The following RPL28 variants were observed in gnomAD, a reference collection of about 807,000 sequenced individuals.
RPL28 encodes ribosomal protein L28.
Under a neutral mutation model 12.5 loss-of-function variants are expected in RPL28, and 4 were observed. The ratio of observed to expected loss-of-function variants is 0.32; its 90% CI spans 0.16 to 0.73. The LOEUF (loss-of-function observed/expected upper bound fraction) is 0.73, where lower values mean the gene tolerates loss of function less well. Among genes scored for constraint, RPL28 ranks in the 30% least tolerant of loss-of-function variants. RPL28 has a pLI of 0.66. For synonymous variants in RPL28, 91 were observed against 72.5 expected, an observed-to-expected ratio of 1.26 and a Z score of -1.30; for missense variants, 214 against 197.7, an observed-to-expected ratio of 1.08 and a Z score of -0.49.
At chr19:55,398,859 G>A (rs1237444070) in intron 4 of RPL28, among the ~76,000 whole-genome samples, 2 of 152,092 alleles carry the variant, frequency 1.3e-5, no homozygotes, top group Non-Finnish European at 2.9e-5. Flanking sequence ...GCACCACAAT[G>A]CCTGGCTGAT....
intron 4 of RPL28, chr19:55,400,109 T>C (rs187632970): frequency 6.6e-6 from 1 of 152,216 alleles, no homozygotes; most frequent in Admixed American, 6.5e-5. Context: ...TTTATTAGAA[T>C]AGGCAAATTC....
chr19:55,391,823 A>G lies in RPL28; in HGVS notation c.*3491A>G. On this transcript the variant is annotated 3_prime_UTR_variant, in exon 5 of 5. Transcript: ENST00000344063. ...CAGATGTCTTCACATGCCTATGACT[A>G]ATTTGTACACAAACTAATGCTCGTG... The G allele has an allele frequency of 7.1e-7, 1 of 1,408,810 alleles. No individual in the cohort carries two copies. The highest frequency in any genetic ancestry group is 9.4e-7 in the Non-Finnish European group (1 of 1,068,120). 87.3% of individuals were successfully genotyped at this position (1,408,810 alleles called of 1,614,324 possible). A position where few individuals can be genotyped will look rare whatever the true frequency, so the allele number is the denominator to read the frequency against.
chr19:55,401,871 GCTGC>G, intron 4 of RPL28: 2 of 1,196,766 alleles, frequency 1.7e-6, no homozygotes, highest in South Asian at 1.3e-5. Context: ...TCCCAACTCA[GCTGC>G]AGATCCAGGC....
Position 55,388,345 on chromosome 19 carries a change from C to G in RPL28, c.*13C>G, listed in dbSNP as rs947673748. 5 of 1,507,406 alleles carry G rather than the reference C, an allele frequency of 3.3e-6. No individual in the cohort carries two copies. The highest frequency in any genetic ancestry group is 4.9e-5 in the East Asian group (2 of 41,182). The allele number at this position is 1,507,406 out of a possible 1,614,324, so 93.4% of individuals were successfully genotyped here. ...CAAGAGCTCCTGAGCCCCCTGCCCC[C>G]AGAGCAATAAAGTCAGCTGGCTTTC... On this transcript the variant is annotated 3_prime_UTR_variant, in exon 5 of 5. Coordinates refer to ENST00000344063, the MANE Select transcript of RPL28 (RefSeq NM_000991.5).
rs937684690 is a variant in RPL28, at chr19:55,390,315, C to G, written c.*1983C>G. The stretch of plus-strand genomic sequence containing the variant: ...CACCTCCTGGGTTCAAGCGATTCTC[C>G]TGCCTCAGCCTCCCGAGTAGCTGGG... On this transcript the variant is annotated 3_prime_UTR_variant, in exon 5 of 5. Coordinates refer to ENST00000344063, the MANE Select transcript of RPL28 (RefSeq NM_000991.5). 1.9e-5 allele frequency: 14 copies of G among 738,088 alleles called. No homozygotes were observed. Among genetic ancestry groups the G allele is most frequent in the East Asian group, 2.6e-4 (2 of 7,702 alleles). 45.7% of individuals were successfully genotyped at this position (738,088 alleles called of 1,614,324 possible). A position where few individuals can be genotyped will look rare whatever the true frequency, so the allele number is the denominator to read the frequency against.
chr19:55,388,118 G>C, intron 4 of RPL28, 70 bp downstream of exon 4: 1 of 1,600,638 alleles, frequency 6.2e-7, no homozygotes, highest in Non-Finnish European at 8.5e-7. Flanking sequence ...TCCCACTACT[G>C]GTTGCAATAT....
In RPL28 at chr19:55,390,995, C is replaced by T. The variant is rs752885828; in HGVS notation, c.*2663C>T. ...AACCAAAAACATGATATTAAGAAAACAGGCAGGCTCACCATAGTAAAAATG... is the reference window on the plus strand; with the variant it reads ...AACCAAAAACATGATATTAAGAAAATAGGCAGGCTCACCATAGTAAAAATG... On this transcript the variant is annotated 3_prime_UTR_variant, in exon 5 of 5. Transcript: ENST00000344063. 6 of 977,464 alleles carry T rather than the reference C, an allele frequency of 6.1e-6. No homozygotes were observed. Among genetic ancestry groups the T allele is most frequent in the African/African-American group, 5.3e-5 (3 of 57,028 alleles). 60.5% of individuals were successfully genotyped at this position (977,464 alleles called of 1,614,324 possible).
Position 55,403,062 on chromosome 19 carries a change from T to TA in RPL28, c.445dup (p.Thr149AsnfsTer17). On this transcript the variant is annotated frameshift_variant, in exon 5 of 5. Transcript: ENST00000560055. LOFTEE classifies it low-confidence loss of function (END_TRUNC). ...CATTCTGTGTCATGGAGCCATCTCG[T>TA]ACGCTGCAGGATTTGGGCAGCACCC... 7.3e-7 allele frequency: 1 copy of TA among 1,364,454 alleles called. No homozygotes were observed. Among genetic ancestry groups the TA allele is most frequent in the Non-Finnish European group, 1.0e-6 (1 of 989,774 alleles). The allele number at this position is 1,364,454 out of a possible 1,614,324, so 84.5% of individuals were successfully genotyped here. A position where few individuals can be genotyped will look rare whatever the true frequency, so the allele number is the denominator to read the frequency against.
At chr19:55,402,922 GTTAAC>G in intron 4 of RPL28, 1 of 1,524,858 alleles carries the variant, frequency 6.6e-7, no homozygotes. Flanking sequence ...TAGAAATTTG[GTTAAC>G]TTTTTTTTTT....
At chr19:55,395,870 AG>A (rs2090019610), downstream of RPL28, among the ~76,000 whole-genome samples, 1 of 152,172 alleles carries the variant, frequency 6.6e-6, no homozygotes, top group South Asian at 2.1e-4. Context: ...ATTTTTCTGG[AG>A]AAATTCTATG....
At position 55,387,996 on chromosome 19, in the gene RPL28, G is replaced by T. The variant is rs748790526; in HGVS notation, c.272G>T (p.Ser91Ile). 1.2e-6 allele frequency: 2 copies of T among 1,612,620 alleles called. No homozygotes were observed. Among genetic ancestry groups the T allele is most frequent in the African/African-American group, 1.3e-5 (1 of 74,978 alleles). Residue 91 changes from serine (S) to isoleucine (I), a missense_variant, in exon 4 of 5, where the codon AGC (serine) becomes ATC (isoleucine). Ser to Ile is a moderately radical substitution (Grantham distance 142, BLOSUM62 -2). Coordinates refer to ENST00000344063, the MANE Select transcript of RPL28 (RefSeq NM_000991.5). ...TINKNARATL[S>I]SIRHMIRKNK... ...AACAAGAATGCTCGCGCCACGCTCA[G>T]CAGCATCAGACACATGATCCGCAAG...
At chr19:55,397,790 G>A (rs1207175694) in intron 4 of RPL28, among the ~76,000 whole-genome samples, 1 of 151,176 alleles carries the variant, frequency 6.6e-6, no homozygotes, top group East Asian at 2.0e-4. Flanking sequence ...GTGGGAGGTG[G>A]GAGGTGGGAG....
chr19:55,401,561 G>A (rs779440236), intron 4 of RPL28: 43 of 1,610,178 alleles, frequency 2.7e-5, no homozygotes, highest in Non-Finnish European at 3.3e-5. Context: ...GGGGCCCCAG[G>A]GTCGGTGGAG....
chr19:55,386,115 T>C, intron 1 of RPL28, 150 bp downstream of exon 1: 1 of 534,990 alleles, frequency 1.9e-6, no homozygotes, highest in East Asian at 3.1e-5. Flanking sequence ...TTCAAGTTAT[T>C]TTCCCCTCAC....
At position 55,389,693 on chromosome 19, in the gene RPL28, C is replaced by T. The variant is rs1313667438; in HGVS notation, c.*1361C>T. ...GCTCGAAGGAGAGCAGATCTGACCA[C>T]TTGCCAGCCCCTGTCTGCTGTGAAT... On this transcript the variant is annotated 3_prime_UTR_variant, in exon 5 of 5. Coordinates refer to ENST00000344063, the MANE Select transcript of RPL28 (RefSeq NM_000991.5). 2 of 985,426 alleles carry T rather than the reference C, an allele frequency of 2.0e-6. No individual in the cohort carries two copies. The highest frequency in any genetic ancestry group is 4.7e-5 in the South Asian group (1 of 21,296). 61.0% of individuals were successfully genotyped at this position (985,426 alleles called of 1,614,324 possible).
chr19:55,399,485 G>C (rs899525926), intron 4 of RPL28, among the ~76,000 whole-genome samples: 14 of 152,162 alleles, frequency 9.2e-5, no homozygotes, highest in African/African-American at 2.7e-4. Flanking sequence ...TGTTTTAACG[G>C]AGGTTTCATT....
At chr19:55,392,968 T>C (rs1262259757), downstream of RPL28, among the ~76,000 whole-genome samples, 1 of 152,094 alleles carries the variant, frequency 6.6e-6, no homozygotes, top group Non-Finnish European at 1.5e-5. Context: ...CCATCAGCGC[T>C]GCATTGATGA....
In RPL28 at chr19:55,390,923, A is replaced by ATTCACAC. The variant is rs2089984386; in HGVS notation, c.*2592_*2598dup. 1.0e-6 allele frequency: 1 copy of ATTCACAC among 985,342 alleles called. No individual in the cohort carries two copies. Among genetic ancestry groups the ATTCACAC allele is most frequent in the African/African-American group, 1.7e-5 (1 of 57,234 alleles). The allele number at this position is 985,342 out of a possible 1,614,324, so 61.0% of individuals were successfully genotyped here. On this transcript the variant is annotated 3_prime_UTR_variant, in exon 5 of 5. Transcript: ENST00000344063. ...GGATGGGGCCATCTATTCCAGCTTT[A>ATTCACAC]TTCACACAAATCATGTCTGTTGGCC...
chr19:55,390,460 C>T lies in RPL28; in HGVS notation c.*2128C>T. 1 of 985,374 alleles carries T rather than the reference C, an allele frequency of 1.0e-6. No individual in the cohort carries two copies. The highest frequency in any genetic ancestry group is 1.2e-6 in the Non-Finnish European group (1 of 829,860). 61.0% of individuals were successfully genotyped at this position (985,374 alleles called of 1,614,324 possible). ...CTTCAAATTACCCACCTGCCTCAGC[C>T]TCCCAAAGTGCTGGCATTACAGGCG... is the stretch of plus-strand genomic sequence containing the variant. On this transcript the variant is annotated 3_prime_UTR_variant, in exon 5 of 5. Transcript: ENST00000344063.
Sources: gnomAD v4.1 joint callset for allele counts (sites outside exome capture counted in the v4.1 genomes callset) on GRCh38, gnomAD v4.1.1 for gene constraint, MANE v1.5 for transcripts, NCBI Gene and HGNC (gene_info 2026-07-23, HGNC 2026-07-21) for gene names.